PPARG: variants seen among roughly 807,000 people sequenced by gnomAD.
PPARG encodes peroxisome proliferator activated receptor gamma, also known as peroxisome proliferator-activated receptor gamma.
In PPARG, 17 loss-of-function variants were observed where a neutral mutation model predicts 39.2. The observed-to-expected ratio is 0.43, with a 90% CI of 0.30 to 0.65. The LOEUF (loss-of-function observed/expected upper bound fraction) is 0.65. Among genes scored for constraint, PPARG ranks in the 30% least tolerant of loss-of-function variants. PPARG has a pLI of 0.13. For synonymous variants in PPARG, 223 were observed against 215.7 expected (o/e 1.03, Z -0.30); for missense variants, 406 against 585.9 (o/e 0.69, Z 3.17).
At chr3:12,416,670 C>T in intron 6 of PPARG, 34 bp from the exon 7 acceptor site, 10 of 1,588,250 alleles carry the variant, frequency 6.3e-6, no homozygotes, top group Non-Finnish European at 8.6e-6. Flanking sequence ...TAGAAATCTC[C>T]AAGTCATCCA....
chr3:12,425,009 C>G (rs1046370321), intron 7 of PPARG, among the ~76,000 whole-genome samples: 4 of 152,208 alleles, frequency 2.6e-5, no homozygotes, highest in Non-Finnish European at 5.9e-5. Flanking sequence ...AGTCACATTG[C>G]TGGAAATGCC....
In PPARG at chr3:12,434,218, A is replaced by G; in HGVS notation, c.*73A>G. 1 of 1,588,432 alleles carries G rather than the reference A, an allele frequency of 6.3e-7. No homozygotes were observed. The highest frequency in any genetic ancestry group is 1.7e-5 in the Admixed American group (1 of 58,768). On this transcript the variant is annotated 3_prime_UTR_variant, in exon 8 of 8. Transcript: ENST00000651735. This position sits in a 1 kb window ranked among gnomAD's most constrained non-coding sequence, Gnocchi z 4.2. Reference sequence around the variant, plus strand: ...TATTCTGAGGGAAAATCTGACACCTAAGAAATTTACTGTGAAAAAGCATTT... The same window carrying G: ...TATTCTGAGGGAAAATCTGACACCTGAGAAATTTACTGTGAAAAAGCATTT...
rs193283733 is a variant in PPARG at position 12,304,543 on chromosome 3, A to G, written c.-82-7837A>G. Among the ~76,000 whole-genome samples, 6 of 152,336 alleles carry G rather than the reference A, an allele frequency of 3.9e-5. No homozygotes were observed. The East Asian group carries it at 9.7e-4, about 25-fold the overall frequency. Reference sequence around the variant, plus strand: ...TCAGGTGAAGAAAAATGTTAGCTGCAGAAGAAAAAAATTTGTTTCACTTCA... The same window carrying G: ...TCAGGTGAAGAAAAATGTTAGCTGCGGAAGAAAAAAATTTGTTTCACTTCA... On this transcript the variant is annotated intron_variant, in intron 1 of 7. Transcript: ENST00000651735.
chr3:12,432,546 C>G (rs1286042708), intron 7 of PPARG, among the ~76,000 whole-genome samples: 1 of 152,118 alleles, frequency 6.6e-6, no homozygotes, highest in Non-Finnish European at 1.5e-5. Flanking sequence ...GCTGATAAAC[C>G]ATTAGAAGCA....
At chr3:12,382,620 G>A (rs1412501534) in intron 4 of PPARG, among the ~76,000 whole-genome samples, 1 of 152,144 alleles carries the variant, frequency 6.6e-6, no homozygotes, top group Non-Finnish European at 1.5e-5. Context: ...TACTGTATGA[G>A]GTAACGTTTT....
intron 4 of PPARG, among the ~76,000 whole-genome samples, chr3:12,383,268 C>G (rs2049752301): frequency 6.6e-6 from 1 of 152,146 alleles, no homozygotes; most frequent in Admixed American, 6.5e-5. Flanking sequence ...GCAAGAGATG[C>G]TTTCATTTAA....
At chr3:12,321,323 A>G (rs1197128618) in intron 2 of PPARG, among the ~76,000 whole-genome samples, 1 of 152,162 alleles carries the variant, frequency 6.6e-6, no homozygotes, top group Non-Finnish European at 1.5e-5. Context: ...TTCTTAATAT[A>G]TATGGGGTAA....
intron 2 of PPARG, among the ~76,000 whole-genome samples, chr3:12,333,302 A>G (rs953013709): frequency 3.3e-5 from 5 of 152,200 alleles, no homozygotes; most frequent in African/African-American, 1.2e-4. Context: ...CTCATTTACA[A>G]CTGAGGAAAC....
chr3:12,418,005 TA>T (rs1246659462), intron 7 of PPARG, among the ~76,000 whole-genome samples: 1 of 149,174 alleles, frequency 6.7e-6, no homozygotes, highest in Non-Finnish European at 1.5e-5. Context: ...TAACTGCAGT[TA>T]GTAAGCTATG....
chr3:12,340,994 C>T (rs1283290279), intron 2 of PPARG, among the ~76,000 whole-genome samples: 1 of 151,996 alleles, frequency 6.6e-6, no homozygotes, highest in African/African-American at 2.4e-5. Flanking sequence ...ACCAGTCTGG[C>T]CAATATGGTG....
At chr3:12,326,939 C>T (rs1315083549) in intron 2 of PPARG, among the ~76,000 whole-genome samples, 3 of 152,130 alleles carry the variant, frequency 2.0e-5, no homozygotes, top group Admixed American at 6.6e-5. Flanking sequence ...GATAGCCATC[C>T]TATGAGAATG....
At chr3:12,389,601 T>A (rs1302625894) in intron 4 of PPARG, among the ~76,000 whole-genome samples, 1 of 152,094 alleles carries the variant, frequency 6.6e-6, no homozygotes, top group East Asian at 1.9e-4. Context: ...CTCTCAAGAA[T>A]GAGAGTGAGC....
intron 6 of PPARG, among the ~76,000 whole-genome samples, chr3:12,411,132 A>C (rs1004288383): frequency 1.3e-5 from 2 of 152,188 alleles, no homozygotes; most frequent in African/African-American, 2.4e-5. Flanking sequence ...AAAGATCTAA[A>C]CCAGTGTGTT....
chr3:12,410,249 A>C (rs1216180851), intron 6 of PPARG, among the ~76,000 whole-genome samples: 1 of 152,172 alleles, frequency 6.6e-6, no homozygotes, highest in African/African-American at 2.4e-5. Flanking sequence ...GCGCTCTGAA[A>C]ACCATGCATA....
rs182755208 is a variant in PPARG at position 12,316,891 on chromosome 3, A to G, written c.-9+4438A>G. On this transcript the variant is annotated intron_variant, in intron 2 of 7. Coordinates refer to ENST00000651735, the MANE Select transcript of PPARG (RefSeq NM_138711.6). ...TTGGGGTTAATTTATAACTAAGACAAATGAATCTATGAAAAGAAGAAAAGC... is the reference window on the plus strand; with the variant it reads ...TTGGGGTTAATTTATAACTAAGACAGATGAATCTATGAAAAGAAGAAAAGC... Among the ~76,000 whole-genome samples, 3 of 152,268 alleles carry G rather than the reference A, an allele frequency of 2.0e-5. No individual in the cohort carries two copies. The East Asian group carries it at 5.8e-4, about 29-fold the overall frequency.
chr3:12,348,240 A>G lies in PPARG; in HGVS notation c.-8-31464A>G, dbSNP rs141995590. On this transcript the variant is annotated intron_variant, in intron 2 of 7. Coordinates refer to ENST00000651735, the MANE Select transcript of PPARG (RefSeq NM_138711.6). Reference sequence around the variant, plus strand: ...AATAACTTTATATAGGTTCAATACCATGATTTTATTAACTATAGATTTTTA... The same window carrying G: ...AATAACTTTATATAGGTTCAATACCGTGATTTTATTAACTATAGATTTTTA... Among the ~76,000 whole-genome samples, 1,111 of 152,290 alleles carry G rather than the reference A, an allele frequency of 7.3e-3. 7 individuals carry two copies. The highest frequency in any genetic ancestry group is 0.025 in the African/African-American group (1,027 of 41,556).
intron 2 of PPARG, among the ~76,000 whole-genome samples, chr3:12,333,759 C>T (rs2047929918): frequency 1.3e-5 from 2 of 152,166 alleles, no homozygotes; most frequent in Admixed American, 6.5e-5. Context: ...GTTAGTCAGA[C>T]AACAGACTTT....
chr3:12,305,165 C>T (rs1053117279), intron 1 of PPARG, among the ~76,000 whole-genome samples: 1 of 151,988 alleles, frequency 6.6e-6, no homozygotes, highest in African/African-American at 2.4e-5. Context: ...GTTTCTCTCC[C>T]TCTGAATTTC....
At chr3:12,333,234 T>C (rs916313064) in intron 2 of PPARG, among the ~76,000 whole-genome samples, 2 of 152,224 alleles carry the variant, frequency 1.3e-5, no homozygotes, top group African/African-American at 4.8e-5. Context: ...TGCCAAGCAC[T>C]TCTAAGTGCT....
Sources: gnomAD v4.1 joint callset for allele counts (sites outside exome capture counted in the v4.1 genomes callset) on GRCh38, gnomAD v4.1.1 for gene constraint, Gnocchi (gnomAD v3.1) non-coding constraint, MANE v1.5 for transcripts, NCBI Gene and HGNC (gene_info 2026-07-23, HGNC 2026-07-21) for gene names.